The following WDR70 variants were observed in gnomAD, a reference collection of about 807,000 sequenced individuals.
WDR70 encodes WD repeat-containing protein 70.
In WDR70, 53 loss-of-function variants were observed where a neutral mutation model predicts 88.6. The ratio of observed to expected loss-of-function variants is 0.60; its 90% confidence interval spans 0.48 to 0.75. The LOEUF (loss-of-function observed/expected upper bound fraction) is 0.75. Among genes scored for constraint, WDR70 ranks in the 30% least tolerant of loss-of-function variants. The pLI, the probability that WDR70 is intolerant of heterozygous loss-of-function variation, is 0.00. For missense variants in WDR70, 610 were observed against 823.2 expected (o/e 0.74, Z 3.17); for synonymous variants, 280 against 270.0 (o/e 1.04, Z -0.36).
chr5:37,425,169 C>G (rs1361587791), intron 5 of WDR70, among the ~76,000 whole-genome samples: 11 of 152,208 alleles, frequency 7.2e-5, no homozygotes. Flanking sequence ...TCATCTAAGT[C>G]TGGGGCAGTT....
intron 7 of WDR70, among the ~76,000 whole-genome samples, chr5:37,455,636 C>CTTTTTTTT (rs59254502): frequency 0.17 from 11,845 of 70,284 alleles, 2,962 homozygotes; most frequent in East Asian, 0.52. Context: ...TTCTCTTTAT[C>CTTTTTTTT]TTTTTTTTTT....
chr5:37,402,944 G>GTTTT (rs5867348), intron 5 of WDR70, among the ~76,000 whole-genome samples: 10,990 of 84,274 alleles, frequency 0.13, 2,051 homozygotes, highest in African/African-American at 0.21. Context: ...CCCTCCCTCC[G>GTTTT]TTTTTTTTTT....
chr5:37,711,782 GT>G (rs1486207020), intron 13 of WDR70, among the ~76,000 whole-genome samples: 1 of 152,084 alleles, frequency 6.6e-6, no homozygotes, highest in Non-Finnish European at 1.5e-5. Context: ...TATTACTAAT[GT>G]TTATTAATGT....
intron 9 of WDR70, among the ~76,000 whole-genome samples, chr5:37,567,838 C>T (rs190883838): frequency 2.0e-5 from 3 of 152,080 alleles, no homozygotes; most frequent in African/African-American, 7.2e-5. Flanking sequence ...TAGGAGAGGT[C>T]GTTGTCAGGA....
chr5:37,516,822 A>G (rs964996507), intron 9 of WDR70, among the ~76,000 whole-genome samples: 6 of 150,984 alleles, frequency 4.0e-5, no homozygotes, highest in South Asian at 2.1e-4. Context: ...CCTGGGTTCA[A>G]GTGATTCTCC....
intron 7 of WDR70, among the ~76,000 whole-genome samples, chr5:37,470,844 A>ATTGCTAGG (rs1179281945): frequency 6.6e-6 from 1 of 151,170 alleles, no homozygotes; most frequent in African/African-American, 2.4e-5. Flanking sequence ...TGGTAGTGGA[A>ATTGCTAGG]TTGCTAGGTC....
At chr5:37,605,021 T>C (rs1581429538) in intron 9 of WDR70, 43 bp from the exon 10 acceptor site, 1 of 141,310 alleles carries the variant, frequency 7.1e-6, no homozygotes, top group Non-Finnish European at 1.3e-5. Context: ...CCCCTCCTTC[T>C]TTTTTTTTTT....
At chr5:37,680,294 A>G (rs993659862) in intron 10 of WDR70, among the ~76,000 whole-genome samples, 3 of 151,912 alleles carry the variant, frequency 2.0e-5, no homozygotes, top group African/African-American at 7.3e-5. Flanking sequence ...GATGCTAGAT[A>G]TTAGATGTTT....
intron 17 of WDR70, among the ~76,000 whole-genome samples, chr5:37,728,278 G>T (rs1748044165): frequency 6.6e-6 from 1 of 150,732 alleles, no homozygotes; most frequent in Admixed American, 6.6e-5. Context: ...AACCCGGGAG[G>T]TGGAGGTTGC....
At chr5:37,561,622 G>A (rs1162862304) in intron 9 of WDR70, among the ~76,000 whole-genome samples, 1 of 152,174 alleles carries the variant, frequency 6.6e-6, no homozygotes, top group Admixed American at 6.5e-5. Context: ...CCCCAACAAG[G>A]ACAGGATCTG....
chr5:37,605,038 A>G, intron 9 of WDR70, 26 bp from the exon 10 acceptor site: 2 of 1,535,734 alleles, frequency 1.3e-6, no homozygotes, highest in Non-Finnish European at 1.7e-6. Flanking sequence ...TTTTAAATAA[A>G]TGAAAAATCT....
At chr5:37,528,505 G>A (rs1281254866) in intron 9 of WDR70, among the ~76,000 whole-genome samples, 1 of 152,100 alleles carries the variant, frequency 6.6e-6, no homozygotes, top group Non-Finnish European at 1.5e-5. Context: ...GTGAGGGAGA[G>A]CATTAGGAGA....
chr5:37,616,350 C>T (rs1296632820), intron 10 of WDR70, among the ~76,000 whole-genome samples: 1 of 152,130 alleles, frequency 6.6e-6, no homozygotes, highest in Non-Finnish European at 1.5e-5. Context: ...TCAAGTGATC[C>T]ACCCGCCTCA....
chr5:37,572,963 A>G (rs1742950934), intron 9 of WDR70, among the ~76,000 whole-genome samples: 1 of 152,162 alleles, frequency 6.6e-6, no homozygotes, highest in Admixed American at 6.5e-5. Flanking sequence ...CCAATAATTT[A>G]AACTCTTTTC....
intron 8 of WDR70, among the ~76,000 whole-genome samples, chr5:37,513,370 A>G (rs927708484): frequency 3.3e-5 from 5 of 152,218 alleles, no homozygotes; most frequent in South Asian, 2.1e-4. Flanking sequence ...GCGTAGGGAA[A>G]GCATATAAGA....
At chr5:37,617,578 C>T (rs1744380951) in intron 10 of WDR70, among the ~76,000 whole-genome samples, 1 of 152,130 alleles carries the variant, frequency 6.6e-6, no homozygotes, top group Admixed American at 6.5e-5. Context: ...TATGCCTTGC[C>T]TAAGTTGGCT....
intron 9 of WDR70, among the ~76,000 whole-genome samples, chr5:37,582,775 A>G (rs1299524904): frequency 6.6e-6 from 1 of 152,258 alleles, no homozygotes; most frequent in African/African-American, 2.4e-5. Context: ...AGCAACGAGC[A>G]TCTCTGTGAT....
At chr5:37,732,610 G>C (rs930454493) in intron 17 of WDR70, among the ~76,000 whole-genome samples, 1 of 152,002 alleles carries the variant, frequency 6.6e-6, no homozygotes, top group African/African-American at 2.4e-5. Flanking sequence ...CTGTTCTCGA[G>C]AAAAGATGCT....
chr5:37,417,540 G>GT (rs35357658), intron 5 of WDR70, among the ~76,000 whole-genome samples: 106 of 143,130 alleles, frequency 7.4e-4, no homozygotes, highest in African/African-American at 2.6e-3. Context: ...CCCCACCGAC[G>GT]TTTTTTTTTT....
Sources: allele counts gnomAD v4.1 joint callset (sites outside exome capture counted in the v4.1 genomes callset), GRCh38; gene constraint gnomAD v4.1.1; transcripts MANE v1.5; gene names NCBI Gene and HGNC (gene_info 2026-07-23, HGNC 2026-07-21).